The following ALDH5A1 variants were observed in gnomAD, a reference collection of about 807,000 sequenced individuals.
The protein encoded by ALDH5A1 is aldehyde dehydrogenase 5 family member A1, also known as succinate-semialdehyde dehydrogenase, mitochondrial.
A neutral mutation model predicts 54.7 loss-of-function variants in ALDH5A1; 33 were observed. That is an observed-to-expected ratio of 0.60 (90% CI 0.46 to 0.81). The LOEUF is 0.81. Ranked by LOEUF, ALDH5A1 falls within the 30% of genes least tolerant of loss-of-function variation. The pLI, the probability that ALDH5A1 is intolerant of heterozygous loss-of-function variation, is 0.00. For missense variants in ALDH5A1, 657 were observed against 711.0 expected (o/e 0.92, Z 0.86); for synonymous variants, 294 against 292.7 (o/e 1.00, Z -0.05).
At chr6:24,502,145 A>G (rs1764833828) in intron 1 of ALDH5A1, among the ~76,000 whole-genome samples, 1 of 152,074 alleles carries the variant, frequency 6.6e-6, no homozygotes. Flanking sequence ...AGGAATGACA[A>G]TGTCTGGTGT....
At chr6:24,526,919 ATATATATCTACTATATATTC>A (rs1341398232) in intron 7 of ALDH5A1, among the ~76,000 whole-genome samples, 1 of 128,880 alleles carries the variant, frequency 7.8e-6, no homozygotes, top group Non-Finnish European at 1.6e-5. Context: ...TATATATTCT[ATATATATCTACTATATATTC>A]TATATATATA....
At chr6:24,506,243 C>CTT (rs70974913) in intron 4 of ALDH5A1, among the ~76,000 whole-genome samples, 625 of 52,144 alleles carry the variant, frequency 0.012, 164 homozygotes, top group African/African-American at 0.035. Context: ...TTCCTGGTTC[C>CTT]TTTTTTTTTT....
chr6:24,511,058 CTG>C (rs1759448733), intron 4 of ALDH5A1, among the ~76,000 whole-genome samples: 1 of 152,282 alleles, frequency 6.6e-6, no homozygotes, highest in Non-Finnish European at 1.5e-5. Flanking sequence ...CTGAAAAAGA[CTG>C]TATCTTTTCT....
intron 7 of ALDH5A1, among the ~76,000 whole-genome samples, chr6:24,526,891 A>ATATATATATATCTACTATATATATATTC (rs1561878436): frequency 3.0e-5 from 3 of 98,842 alleles, no homozygotes; most frequent in Admixed American, 1.0e-4. Flanking sequence ...TATATATTCT[A>ATATATATATATCTACTATATATATATTC]TATATATATC....
At chr6:24,533,254 G>C (rs924380964) in intron 9 of ALDH5A1, among the ~76,000 whole-genome samples, 1 of 152,198 alleles carries the variant, frequency 6.6e-6, no homozygotes, top group African/African-American at 2.4e-5. Flanking sequence ...AGGTGTGCAG[G>C]TGGATTGAAT....
At chr6:24,498,448 A>G (rs571683203) in intron 1 of ALDH5A1, among the ~76,000 whole-genome samples, 3 of 152,288 alleles carry the variant, frequency 2.0e-5, no homozygotes, top group Non-Finnish European at 4.4e-5. Context: ...AGGCTGCCAT[A>G]CAATGGTGTT....
At chr6:24,502,404 C>A (rs1463081646) in intron 1 of ALDH5A1, 119 bp from the exon 2 acceptor site, 5 of 818,952 alleles carry the variant, frequency 6.1e-6, no homozygotes. Context: ...TAAAATTAAC[C>A]ATTACAACCA....
chr6:24,515,104 T>C (rs1359809497), intron 4 of ALDH5A1, 63 bp from the exon 5 acceptor site: 54 of 754,378 alleles, frequency 7.2e-5, no homozygotes, highest in Non-Finnish European at 9.4e-5. Context: ...TCTCTTTTCT[T>C]TTTTTTTTTT....
intron 4 of ALDH5A1, among the ~76,000 whole-genome samples, chr6:24,510,450 T>C (rs911262191): frequency 6.6e-6 from 1 of 152,134 alleles, no homozygotes; most frequent in African/African-American, 2.4e-5. Flanking sequence ...ATTTCTTAGG[T>C]CTAATAGTAA....
chr6:24,516,212 G>A (rs1017767055), intron 5 of ALDH5A1, among the ~76,000 whole-genome samples: 8 of 151,916 alleles, frequency 5.3e-5, no homozygotes, highest in Admixed American at 3.9e-4. Context: ...CGAGGCAGGC[G>A]GATCACAAGG....
chr6:24,499,690 G>A lies in ALDH5A1; in HGVS notation c.355-2833G>A, dbSNP rs552488856. 5.0e-5 allele frequency among the ~76,000 whole-genome samples: 7 copies of A among 140,312 alleles called. No homozygotes were observed. The South Asian group carries it at 1.2e-3, about 23-fold the overall frequency. The allele number at this position is 140,312 out of a possible 152,430, so 92.1% of individuals were successfully genotyped here. ...TTTCTTTTTTTTTTTTTTTTGAGAC[G>A]GAGTCTCGCTCTGTCACCCGGGCTG... On this transcript the variant is annotated intron_variant, in intron 1 of 9. Transcript: ENST00000357578.
chr6:24,517,655 C>A (rs1176026309), intron 5 of ALDH5A1, among the ~76,000 whole-genome samples: 1 of 152,230 alleles, frequency 6.6e-6, no homozygotes, highest in African/African-American at 2.4e-5. Context: ...AGGAAAATAT[C>A]AGCCATGACC....
chr6:24,508,075 A>T (rs1759390897), intron 4 of ALDH5A1, among the ~76,000 whole-genome samples: 1 of 151,782 alleles, frequency 6.6e-6, no homozygotes, highest in Admixed American at 6.6e-5. Flanking sequence ...TTAGAATAAT[A>T]CTCTCCAGGC....
At chr6:24,530,499 G>A (rs934783184) in intron 8 of ALDH5A1, among the ~76,000 whole-genome samples, 5 of 152,030 alleles carry the variant, frequency 3.3e-5, no homozygotes, top group Non-Finnish European at 4.4e-5. Context: ...CCCTTGCACC[G>A]TCGGCAGCCT....
chr6:24,529,212 G>A (rs1337307490), intron 8 of ALDH5A1, among the ~76,000 whole-genome samples: 1 of 151,706 alleles, frequency 6.6e-6, no homozygotes, highest in African/African-American at 2.4e-5. Flanking sequence ...CGTCATCCAG[G>A]CTGGAGTGCA....
At chr6:24,508,361 C>CAAAAAAAAA (rs1214819272) in intron 4 of ALDH5A1, among the ~76,000 whole-genome samples, 2 of 13,076 alleles carry the variant, frequency 1.5e-4, no homozygotes, top group African/African-American at 4.9e-4. Context: ...ACTCCATCTC[C>CAAAAAAAAA]AAAAAAAAAA....
At position 24,498,493 on chromosome 6, in the gene ALDH5A1, C is replaced by T. The variant is rs147381092; in HGVS notation, c.354+3143C>T. On this transcript the variant is annotated intron_variant, in intron 1 of 9. Transcript: ENST00000357578. The stretch of plus-strand genomic sequence containing the variant: ...GGGTCTGGAAAGCCTTCTAGTCTGT[C>T]AGTGATTGTTTGGCAGCTGCAGGGC... Among the ~76,000 whole-genome samples, 274 of 152,282 alleles carry T rather than the reference C, an allele frequency of 1.8e-3. 3 individuals are homozygous for T. Among genetic ancestry groups the T allele is most frequent in the Non-Finnish European group, 3.0e-3 (204 of 68,016 alleles).
At chr6:24,508,938 T>G (rs144281989) in intron 4 of ALDH5A1, among the ~76,000 whole-genome samples, 3 of 152,196 alleles carry the variant, frequency 2.0e-5, no homozygotes, top group African/African-American at 4.8e-5. Flanking sequence ...TTGTCTATTA[T>G]GTTCTTAGCC....
chr6:24,527,889 C>T, intron 7 of ALDH5A1, 108 bp from the exon 8 acceptor site: 1 of 1,325,688 alleles, frequency 7.5e-7, no homozygotes, highest in Non-Finnish European at 1.1e-6. Flanking sequence ...TGTTAACCTA[C>T]TTTTTTTGAA....
Sources: allele counts gnomAD v4.1 joint callset (sites outside exome capture counted in the v4.1 genomes callset), GRCh38; gene constraint gnomAD v4.1.1; transcripts MANE v1.5; gene names NCBI Gene and HGNC (gene_info 2026-07-23, HGNC 2026-07-21).